The following SLC4A4 variants were observed in gnomAD, a reference collection of about 807,000 sequenced individuals.
SLC4A4 encodes solute carrier family 4 member 4.
In SLC4A4, 27 loss-of-function variants were observed where a neutral mutation model predicts 111.5. The ratio of observed to expected loss-of-function variants is 0.24; its 90% CI spans 0.18 to 0.33. The LOEUF is 0.33. Among genes scored for constraint, SLC4A4 ranks in the 10% least tolerant of loss-of-function variants. The pLI is 1.00. For missense variants in SLC4A4, 909 were observed against 1,315.5 expected (o/e 0.69, Z 4.78); for synonymous variants, 443 against 463.4 (o/e 0.96, Z 0.57).
At chr4:71,410,353 A>T (rs1016810449) in intron 7 of SLC4A4, among the ~76,000 whole-genome samples, 40 of 152,342 alleles carry the variant, frequency 2.6e-4, no homozygotes, top group African/African-American at 9.4e-4. Context: ...GGAGCTGCCC[A>T]AGACCATGGG....
At chr4:71,362,873 C>T (rs193146381) in intron 6 of SLC4A4, among the ~76,000 whole-genome samples, 4 of 152,194 alleles carry the variant, frequency 2.6e-5, no homozygotes, top group Non-Finnish European at 5.9e-5. Flanking sequence ...CATGCCTTCT[C>T]CTGGTGCCCG....
chr4:71,551,386 G>A (rs1381176241), intron 20 of SLC4A4, among the ~76,000 whole-genome samples: 1 of 151,806 alleles, frequency 6.6e-6, no homozygotes, highest in Non-Finnish European at 1.5e-5. Flanking sequence ...GCCAGGGAAA[G>A]CAAAATGGTA....
chr4:71,318,679 C>T (rs1277760957), intron 3 of SLC4A4, among the ~76,000 whole-genome samples: 1 of 151,992 alleles, frequency 6.6e-6, no homozygotes, highest in African/African-American at 2.4e-5. Flanking sequence ...GTGAATATAA[C>T]ATTACAAGAA....
chr4:71,394,715 T>C (rs753119250), intron 6 of SLC4A4, among the ~76,000 whole-genome samples: 4 of 152,078 alleles, frequency 2.6e-5, no homozygotes, highest in Non-Finnish European at 5.9e-5. Context: ...GAAACTGTGG[T>C]ATATTTATAG....
intron 2 of SLC4A4, among the ~76,000 whole-genome samples, chr4:71,101,230 G>T (rs139031879): frequency 0.021 from 3,260 of 152,178 alleles, 132 homozygotes; most frequent in African/African-American, 0.075. Flanking sequence ...CTGCACTCCA[G>T]CCTGGGCAAC....
intron 2 of SLC4A4, among the ~76,000 whole-genome samples, chr4:71,168,177 CTTTT>C (rs777092928): frequency 9.4e-6 from 1 of 106,238 alleles, no homozygotes; most frequent in Non-Finnish European, 1.8e-5. Context: ...CAATTATACT[CTTTT>C]TTTTTTTTTT....
rs184197207 is a variant in SLC4A4, at chr4:71,274,257, C to T, written c.253+18858C>T. Among the ~76,000 whole-genome samples, 101 of 152,156 alleles carry T rather than the reference C, an allele frequency of 6.6e-4. 1 individual carries two copies. The highest frequency in any genetic ancestry group is 6.3e-3 in the Admixed American group (96 of 15,272). ...GGATCATCACAAAGGTTTTCACTGT[C>T]GTCATCTTGACATTGAGTAGGCTGA... On this transcript the variant is annotated intron_variant, in intron 3 of 25. Transcript: ENST00000264485.
At chr4:71,488,904 G>C (rs892365423) in intron 15 of SLC4A4, among the ~76,000 whole-genome samples, 1 of 150,934 alleles carries the variant, frequency 6.6e-6, no homozygotes, top group Non-Finnish European at 1.5e-5. Context: ...GTGTGTGTGT[G>C]TGTGTGTGTG....
chr4:71,384,836 G>A (rs987454881), intron 6 of SLC4A4, among the ~76,000 whole-genome samples: 27 of 151,488 alleles, frequency 1.8e-4, no homozygotes, highest in Non-Finnish European at 2.8e-4. Flanking sequence ...TTCTTACCTT[G>A]TGAAAAAAGG....
chr4:71,087,485 A>C (rs1742216585), intron 1 of SLC4A4, among the ~76,000 whole-genome samples: 1 of 151,726 alleles, frequency 6.6e-6, no homozygotes, highest in Non-Finnish European at 1.5e-5. Context: ...TAGTTCTTTT[A>C]TTTGTGATGT....
chr4:71,541,433 T>C (rs1735046167), intron 18 of SLC4A4, among the ~76,000 whole-genome samples: 1 of 151,914 alleles, frequency 6.6e-6, no homozygotes, highest in African/African-American at 2.4e-5. Context: ...TTTAAGCAAA[T>C]GTCAAGGAGT....
At chr4:71,199,138 G>A (rs945931721) in intron 1 of SLC4A4, among the ~76,000 whole-genome samples, 8 of 152,062 alleles carry the variant, frequency 5.3e-5, no homozygotes, top group Non-Finnish European at 7.4e-5. Context: ...CTTTGATGTC[G>A]TCAGGTGTCA....
At chr4:71,252,686 C>T (rs879033530) in intron 2 of SLC4A4, among the ~76,000 whole-genome samples, 86 of 152,068 alleles carry the variant, frequency 5.7e-4, no homozygotes, top group Non-Finnish European at 3.7e-4. Context: ...ATGGTAGCTT[C>T]GCAGAGGCCA....
chr4:71,269,514 T>C (rs1001496315), intron 3 of SLC4A4, among the ~76,000 whole-genome samples: 4 of 152,230 alleles, frequency 2.6e-5, no homozygotes, highest in South Asian at 4.1e-4. Flanking sequence ...AAATTTTTTT[T>C]TGTTTTTCTT....
intron 4 of SLC4A4, 58 bp downstream of exon 4, chr4:71,339,563 T>C: frequency 6.4e-7 from 1 of 1,563,016 alleles, no homozygotes; most frequent in Non-Finnish European, 8.8e-7. Context: ...CAGGGCAAGA[T>C]GCTTGATCCT....
intron 2 of SLC4A4, among the ~76,000 whole-genome samples, chr4:71,161,201 A>G (rs1744609139): frequency 6.6e-6 from 1 of 152,198 alleles, no homozygotes; most frequent in South Asian, 2.1e-4. Context: ...CAAAGCAAAT[A>G]GGCTTCTCAC....
At chr4:71,177,141 C>T (rs112109445) in intron 2 of SLC4A4, among the ~76,000 whole-genome samples, 1 of 152,250 alleles carries the variant, frequency 6.6e-6, no homozygotes, top group East Asian at 1.9e-4. Flanking sequence ...GAGATTTTGT[C>T]ACCACCAGGC....
chr4:71,500,795 T>G (rs1449016201), intron 16 of SLC4A4, among the ~76,000 whole-genome samples: 1 of 152,208 alleles, frequency 6.6e-6, no homozygotes, highest in African/African-American at 2.4e-5. Flanking sequence ...CATGGATTTA[T>G]TCCTGGACTC....
At chr4:71,390,595 C>T (rs778112905) in intron 6 of SLC4A4, among the ~76,000 whole-genome samples, 1 of 151,958 alleles carries the variant, frequency 6.6e-6, no homozygotes, top group African/African-American at 2.4e-5. Context: ...AGAGTAATAC[C>T]ATCTTCATTT....
Sources: allele counts gnomAD v4.1 joint callset (sites outside exome capture counted in the v4.1 genomes callset), GRCh38; gene constraint gnomAD v4.1.1; transcripts MANE v1.5; gene names NCBI Gene and HGNC (gene_info 2026-07-23, HGNC 2026-07-21).